Variants in LINGO2 observed in about 807,000 individuals in gnomAD.
LINGO2 encodes the protein leucine-rich repeat and immunoglobulin-like domain-containing nogo receptor-interacting protein 2.
LINGO2 carries 14 observed loss-of-function variants against 30.6 expected under a neutral mutation model. The observed-to-expected ratio is 0.46, with a 90% CI of 0.30 to 0.72. LINGO2 has a LOEUF of 0.72. LINGO2 is among the 30% of genes least tolerant of loss of function. The pLI is 0.07. For missense variants in LINGO2, 729 were observed against 751.7 expected (o/e 0.97, Z 0.35); for synonymous variants, 317 against 288.5 (o/e 1.10, Z -1.00).
intron 1 of LINGO2, among the ~76,000 whole-genome samples, chr9:28,570,135 A>G (rs977435472): frequency 6.6e-6 from 1 of 151,930 alleles, no homozygotes; most frequent in Non-Finnish European, 1.5e-5. Flanking sequence ...AATTCTAAAT[A>G]TTTTGATAGT....
chr9:28,291,958 A>G (rs190025682), intron 4 of LINGO2, among the ~76,000 whole-genome samples: 2 of 152,360 alleles, frequency 1.3e-5, no homozygotes, highest in Admixed American at 1.3e-4. Context: ...CACATTGCAT[A>G]TAGGAGAACA....
At chr9:28,400,187 G>T (rs1822205459) in intron 2 of LINGO2, among the ~76,000 whole-genome samples, 1 of 152,116 alleles carries the variant, frequency 6.6e-6, no homozygotes, top group African/African-American at 2.4e-5. Context: ...TTGCACTATA[G>T]CCTATTTTGT....
At chr9:28,677,143 T>C in the LINGO2 span, among the ~76,000 whole-genome samples, 1 of 152,128 alleles carries the variant, frequency 6.6e-6, no homozygotes, top group African/African-American at 2.4e-5. Flanking sequence ...AGTTAAAAAG[T>C]TGTGGCACAG....
chr9:28,642,029 A>G (rs1314976208), intron 1 of LINGO2, among the ~76,000 whole-genome samples: 1 of 150,358 alleles, frequency 6.7e-6, no homozygotes, highest in African/African-American at 2.5e-5. Context: ...TTTTTTAGCT[A>G]GCTAAAGCAT....
chr9:28,589,384 T>C (rs1229295628), intron 1 of LINGO2, among the ~76,000 whole-genome samples: 1 of 152,116 alleles, frequency 6.6e-6, no homozygotes, highest in Non-Finnish European at 1.5e-5. Context: ...GATGACATGA[T>C]TGTATATGTA....
intron 1 of LINGO2, among the ~76,000 whole-genome samples, chr9:28,554,214 AAG>A (rs1421887687): frequency 6.6e-6 from 1 of 151,756 alleles, no homozygotes; most frequent in Admixed American, 6.6e-5. Flanking sequence ...AAATTGGATC[AAG>A]AGTCAAGACC....
chr9:28,831,703 G>T, the LINGO2 span, among the ~76,000 whole-genome samples: 3 of 152,246 alleles, frequency 2.0e-5, no homozygotes, highest in African/African-American at 4.8e-5. Context: ...GAAGAAAATG[G>T]ATGACTCAAT....
chr9:28,311,268 C>T (rs932058594), intron 3 of LINGO2, among the ~76,000 whole-genome samples: 3 of 151,952 alleles, frequency 2.0e-5, no homozygotes, highest in Admixed American at 6.6e-5. Context: ...GGAGGCAGGG[C>T]GAGATCACAG....
At chr9:28,785,041 T>C in the LINGO2 span, among the ~76,000 whole-genome samples, 2 of 152,170 alleles carry the variant, frequency 1.3e-5, no homozygotes, top group South Asian at 4.1e-4. Context: ...TGGATTGTTC[T>C]ACATACATGA....
At chr9:29,012,186 C>T in the LINGO2 span, among the ~76,000 whole-genome samples, 1 of 152,106 alleles carries the variant, frequency 6.6e-6, no homozygotes, top group South Asian at 2.1e-4. Flanking sequence ...GCTGAAACCA[C>T]GTCTCTACTA....
At chr9:28,410,014 G>A (rs770031258) in intron 2 of LINGO2, among the ~76,000 whole-genome samples, 8 of 150,148 alleles carry the variant, frequency 5.3e-5, no homozygotes, top group African/African-American at 4.9e-5. Flanking sequence ...GCTGAAGGGA[G>A]GGAGGGAGAG....
chr9:28,259,181 C>T (rs1773457422), intron 4 of LINGO2, among the ~76,000 whole-genome samples: 1 of 151,888 alleles, frequency 6.6e-6, no homozygotes, highest in Admixed American at 6.6e-5. Flanking sequence ...CTGACTCAGT[C>T]TATCAGTTAG....
intron 1 of LINGO2, among the ~76,000 whole-genome samples, chr9:28,643,406 T>C (rs760561102): frequency 6.6e-6 from 1 of 152,068 alleles, no homozygotes; most frequent in Non-Finnish European, 1.5e-5. Flanking sequence ...AGTGAACTCA[T>C]TTTTAACAAA....
At chr9:28,354,065 G>T (rs1371750884) in intron 3 of LINGO2, among the ~76,000 whole-genome samples, 1 of 152,052 alleles carries the variant, frequency 6.6e-6, no homozygotes, top group African/African-American at 2.4e-5. Flanking sequence ...TGACGAGTTA[G>T]TGGGTGCAGC....
intron 3 of LINGO2, among the ~76,000 whole-genome samples, chr9:28,317,220 A>G (rs910553830): frequency 1.3e-5 from 2 of 151,802 alleles, no homozygotes; most frequent in African/African-American, 4.9e-5. Context: ...GCATTTTGTC[A>G]GTATGAGTTC....
At chr9:29,056,862 C>T in the LINGO2 span, among the ~76,000 whole-genome samples, 1 of 152,018 alleles carries the variant, frequency 6.6e-6, no homozygotes, top group African/African-American at 2.4e-5. Flanking sequence ...CCTCACTTTA[C>T]ATCTTTGTTT....
At chr9:28,045,877 T>C (rs1156844440) in intron 4 of LINGO2, among the ~76,000 whole-genome samples, 1 of 152,180 alleles carries the variant, frequency 6.6e-6, no homozygotes, top group Non-Finnish European at 1.5e-5. Flanking sequence ...GTTCTTCCCA[T>C]CTACTACAAC....
the LINGO2 span, among the ~76,000 whole-genome samples, chr9:28,795,861 G>A: frequency 2.0e-5 from 3 of 151,838 alleles, no homozygotes; most frequent in Non-Finnish European, 4.4e-5. Context: ...CTTATTCAGT[G>A]GTCTCAGGAG....
chr9:29,149,308 G>A, the LINGO2 span, among the ~76,000 whole-genome samples: 2 of 152,002 alleles, frequency 1.3e-5, no homozygotes, highest in Admixed American at 6.6e-5. Context: ...GGGCAACACT[G>A]CCAAACTCCA....
Sources: gnomAD v4.1 joint callset for allele counts (sites outside exome capture counted in the v4.1 genomes callset) on GRCh38, gnomAD v4.1.1 for gene constraint, MANE v1.5 for transcripts, NCBI Gene and HGNC (gene_info 2026-07-23, HGNC 2026-07-21) for gene names.